ZNF212: variants seen among roughly 807,000 people sequenced by gnomAD.
The protein encoded by ZNF212 is Zinc finger protein C2H2-150.
In ZNF212, 32 loss-of-function variants were observed where a neutral mutation model predicts 47.3. The observed-to-expected ratio is 0.68, with a 90% confidence interval of 0.51 to 0.91. ZNF212 has a LOEUF of 0.91. ZNF212 is among the 40% of genes least tolerant of loss of function. The pLI, the probability that ZNF212 is intolerant of heterozygous loss-of-function variation, is 0.00. For missense variants in ZNF212, 555 were observed against 622.8 expected (o/e 0.89, Z 1.16); for synonymous variants, 242 against 253.8 (o/e 0.95, Z 0.44).
chr7:149,245,538 ATC>A (rs915107337), intron 1 of ZNF212, among the ~76,000 whole-genome samples: 2 of 151,950 alleles, frequency 1.3e-5, no homozygotes, highest in African/African-American at 2.4e-5. Context: ...TTGAGACAGA[ATC>A]TCTCTCTGTC....
At chr7:149,243,716 GAGAA>G (rs749676638) in intron 1 of ZNF212, among the ~76,000 whole-genome samples, 11 of 152,080 alleles carry the variant, frequency 7.2e-5, no homozygotes, top group African/African-American at 2.2e-4. Context: ...ACAGAATTGC[GAGAA>G]AGATTCACTG....
chr7:149,253,428 A>G (rs1585597956), intron 4 of ZNF212, 131 bp from the exon 5 acceptor site: 1 of 1,143,062 alleles, frequency 8.7e-7, no homozygotes, highest in Non-Finnish European at 1.2e-6. Context: ...AGCCAGTGTC[A>G]TCCTCCTCCA....
intron 1 of ZNF212, among the ~76,000 whole-genome samples, chr7:149,247,057 C>G (rs1796689339): frequency 6.6e-6 from 1 of 151,590 alleles, no homozygotes; most frequent in Non-Finnish European, 1.5e-5. Context: ...GGTGATCCGC[C>G]CGCCTCGGCC....
intron 1 of ZNF212, among the ~76,000 whole-genome samples, chr7:149,245,806 C>T (rs1056504201): frequency 3.3e-5 from 5 of 152,296 alleles, no homozygotes; most frequent in African/African-American, 1.2e-4. Flanking sequence ...CTGTGCCCAG[C>T]CATAGATTCC....
In ZNF212 at chr7:149,252,809, G is replaced by A; in HGVS notation, c.631+14G>A. 6.2e-7 allele frequency: 1 copy of A among 1,613,024 alleles called. No individual in the cohort carries two copies. The highest frequency in any genetic ancestry group is 8.5e-7 in the Non-Finnish European group (1 of 1,179,608). The stretch of plus-strand genomic sequence containing the variant: ...GTGCCCACCCAGGTGAGTGGCTCTG[G>A]AATATTCTGTTCCCCTTCCATAGCC... On this transcript the variant is annotated intron_variant, in intron 4 of 4. Coordinates refer to ENST00000335870, the MANE Select transcript of ZNF212 (RefSeq NM_012256.4).
At position 149,241,853 on chromosome 7, in the gene ZNF212, A is replaced by G. The variant is rs192838143; in HGVS notation, c.24+2051A>G. Among the ~76,000 whole-genome samples the G allele has an allele frequency of 1.1e-3, 164 of 152,290 alleles. 3 individuals are homozygous for G. The highest frequency in any genetic ancestry group is 3.4e-4 in the Non-Finnish European group (23 of 68,030). On this transcript the variant is annotated intron_variant, in intron 1 of 4. Transcript: ENST00000335870. ...CCTAACCCAATCCCATGAAGCAGAG[A>G]GTTCAAAGGGTAACATTCTGTGTAA...
chr7:149,250,883 C>G lies in ZNF212; in HGVS notation c.541+76C>G. 5 of 1,586,308 alleles carry G rather than the reference C, an allele frequency of 3.2e-6. No homozygotes were observed. In the South Asian group the frequency reaches 5.7e-5, roughly 18 times the overall value. On this transcript the variant is annotated intron_variant, in intron 3 of 4. Coordinates refer to ENST00000335870, the MANE Select transcript of ZNF212 (RefSeq NM_012256.4). ...CTGGCTGGCAGCCTGTAATTCAGACCACACCTGTGGCTCCTGTGGCTGTGG... is the reference window on the plus strand; with the variant it reads ...CTGGCTGGCAGCCTGTAATTCAGACGACACCTGTGGCTCCTGTGGCTGTGG...
chr7:149,240,019 G>A (rs1199464498), intron 1 of ZNF212: 1 of 495,938 alleles, frequency 2.0e-6, no homozygotes, highest in African/African-American at 2.0e-5. Flanking sequence ...TCGGCGCCGT[G>A]CGCCCTTGCC....
chr7:149,254,453 G>A lies in ZNF212; in HGVS notation c.*38G>A, dbSNP rs945694705. The A allele has an allele frequency of 6.5e-7, 1 of 1,548,332 alleles. No homozygotes were observed. The highest frequency in any genetic ancestry group is 8.6e-7 in the Non-Finnish European group (1 of 1,157,308). On this transcript the variant is annotated 3_prime_UTR_variant, in exon 5 of 5. Coordinates refer to ENST00000335870, the MANE Select transcript of ZNF212 (RefSeq NM_012256.4). This position sits in a 1 kb window ranked among gnomAD's most constrained non-coding sequence, Gnocchi z 4.5. Reference sequence around the variant, plus strand: ...TCGCCCGTCTGGGGGATGGAGGGGGGTGGCATTGGTTCCCCCGAAGAGACA... The same window carrying A: ...TCGCCCGTCTGGGGGATGGAGGGGGATGGCATTGGTTCCCCCGAAGAGACA...
intron 3 of ZNF212, among the ~76,000 whole-genome samples, chr7:149,252,042 C>T (rs978761083): frequency 9.3e-5 from 14 of 151,166 alleles, no homozygotes; most frequent in Non-Finnish European, 1.9e-4. Context: ...GGTGTTTGGC[C>T]GGAATTATAG....
chr7:149,252,863 G>C, intron 4 of ZNF212, 68 bp downstream of exon 4: 2 of 1,509,562 alleles, frequency 1.3e-6, no homozygotes, highest in Non-Finnish European at 1.8e-6. Flanking sequence ...GCTTTCCCAC[G>C]GCTGAAGTGC....
Position 149,254,785 on chromosome 7 carries a change from GC to G in ZNF212, c.*371del, listed in dbSNP as rs760811028. 5.9e-5 allele frequency: 14 copies of G among 238,728 alleles called. No individual in the cohort carries two copies. The highest frequency in any genetic ancestry group is 2.9e-3 in the Middle Eastern group (2 of 692). The allele number at this position is 238,728 out of a possible 1,614,324, so 14.8% of individuals were successfully genotyped here. ...TTGAGTCGGGCCATAGGGGTGAGCA[GC>G]TGCCTGGAAGAGTTCTGGGAAGTAT... On this transcript the variant is annotated 3_prime_UTR_variant, in exon 5 of 5. Coordinates refer to ENST00000335870, the MANE Select transcript of ZNF212 (RefSeq NM_012256.4). This position sits in a 1 kb window ranked among gnomAD's most constrained non-coding sequence, Gnocchi z 4.5.
Position 149,250,693 on chromosome 7 carries a change from C to T in ZNF212, c.427C>T (p.Leu143=). 6.2e-7 allele frequency: 1 copy of T among 1,614,200 alleles called. No individual in the cohort carries two copies. Among genetic ancestry groups the T allele is most frequent in the Non-Finnish European group, 8.5e-7 (1 of 1,180,034 alleles). Residue 143 remains leucine, a synonymous_variant, in exon 3 of 5, where the codon CTG becomes TTG. Coordinates refer to ENST00000335870, the MANE Select transcript of ZNF212 (RefSeq NM_012256.4). ...KGEAPKVSRS[L]ENDGVCFTEQ... is the part of the protein sequence containing the mutation. ...TTGGTGATTCCAGGTGTCCAGGTCA[C>T]TGGAGAATGATGGCGTCTGTTTCAC...
chr7:149,254,921 T>G lies in ZNF212; in HGVS notation c.*506T>G, dbSNP rs1178965300. 1 of 152,912 alleles carries G rather than the reference T, an allele frequency of 6.5e-6. No individual in the cohort carries two copies. The highest frequency in any genetic ancestry group is 6.5e-5 in the Admixed American group (1 of 15,324). The allele number at this position is 152,912 out of a possible 1,614,324, so 9.5% of individuals were successfully genotyped here. A position where few individuals can be genotyped will look rare whatever the true frequency, so the allele number is the denominator to read the frequency against. ...CTGAAGAACCTTTTTTGGAATTAGATTTTAGTTGATTTTTTAAAGAATACA... is the reference window on the plus strand; with the variant it reads ...CTGAAGAACCTTTTTTGGAATTAGAGTTTAGTTGATTTTTTAAAGAATACA... On this transcript the variant is annotated 3_prime_UTR_variant, in exon 5 of 5. Coordinates refer to ENST00000335870, the MANE Select transcript of ZNF212 (RefSeq NM_012256.4). This position sits in a 1 kb window ranked among gnomAD's most constrained non-coding sequence, Gnocchi z 4.5.
At chr7:149,252,889 T>G in intron 4 of ZNF212, 94 bp downstream of exon 4, 1 of 1,238,924 alleles carries the variant, frequency 8.1e-7, no homozygotes, top group Non-Finnish European at 1.2e-6. Context: ...GCTGACTTGG[T>G]GACCTCATCT....
Position 149,240,032 on chromosome 7 carries a change from G to C in ZNF212, c.24+230G>C, listed in dbSNP as rs567880337. 310 of 446,370 alleles carry C rather than the reference G, an allele frequency of 6.9e-4. 2 individuals carry two copies. The highest frequency in any genetic ancestry group is 9.6e-4 in the Non-Finnish European group (259 of 268,888). The allele number at this position is 446,370 out of a possible 1,614,324, so 27.7% of individuals were successfully genotyped here. On this transcript the variant is annotated intron_variant, in intron 1 of 4. Coordinates refer to ENST00000335870, the MANE Select transcript of ZNF212 (RefSeq NM_012256.4). The stretch of plus-strand genomic sequence containing the variant: ...CCTCGGCGCCGTGCGCCCTTGCCCA[G>C]AAACTTCTCTGACGCTTGCTTTAGG...
chr7:149,241,489 G>A (rs1366980001), intron 1 of ZNF212, among the ~76,000 whole-genome samples: 1 of 148,038 alleles, frequency 6.8e-6, no homozygotes, highest in East Asian at 2.0e-4. Flanking sequence ...TAAATAACAT[G>A]AATCTGTCGT....
rs754693985 is a variant in ZNF212, at chr7:149,250,460, G to A, written c.326G>A (p.Arg109Lys). Reference protein sequence around the residue: ...TLLQEYGLLQRRLENVENLLR... With the variant: ...TLLQEYGLLQKRLENVENLLR... ...CTGCAGGAGTATGGGCTACTGCAGAGGCGGCTGGAGAACGTGGAGAACCTG... is the reference window on the plus strand; with the variant it reads ...CTGCAGGAGTATGGGCTACTGCAGAAGCGGCTGGAGAACGTGGAGAACCTG... The change falls in exon 2 of 5, where the codon AGG becomes AAG. Residue 109 changes from arginine (R) to lysine (K), a missense_variant. Physicochemically the swap from Arg to Lys is conservative, Grantham distance 26. Transcript: ENST00000335870. 6.2e-7 allele frequency: 1 copy of A among 1,614,158 alleles called. No individual in the cohort carries two copies. Among genetic ancestry groups the A allele is most frequent in the Non-Finnish European group, 8.5e-7 (1 of 1,180,040 alleles).
At chr7:149,240,435 T>C (rs1371044993) in intron 1 of ZNF212, among the ~76,000 whole-genome samples, 1 of 130,494 alleles carries the variant, frequency 7.7e-6, no homozygotes, top group Non-Finnish European at 1.6e-5. Context: ...ATTCTGGGAA[T>C]GTCAAGATAC....
Sources: gnomAD v4.1 joint callset for allele counts (sites outside exome capture counted in the v4.1 genomes callset) on GRCh38, gnomAD v4.1.1 for gene constraint, Gnocchi (gnomAD v3.1) non-coding constraint, MANE v1.5 for transcripts, NCBI Gene and HGNC (gene_info 2026-07-23, HGNC 2026-07-21) for gene names.